Variants in ELAC2 observed in about 807,000 individuals in gnomAD.
ELAC2 encodes elaC ribonuclease Z 2.
Under a neutral mutation model 105.2 loss-of-function variants are expected in ELAC2, and 92 were observed. The ratio of observed to expected loss-of-function variants is 0.87; its 90% CI spans 0.74 to 1.04. The LOEUF is 1.04. ELAC2 is among the 50% of genes least tolerant of loss of function. The pLI is 0.00. For missense variants in ELAC2, 1,099 were observed against 1,071.7 expected (o/e 1.03, Z -0.36); for synonymous variants, 468 against 409.1 (o/e 1.14, Z -1.74).
chr17:12,998,425 G>A lies in ELAC2; in HGVS notation c.1507C>T (p.Leu503Phe), dbSNP rs772606905. Residue 503 changes from leucine to phenylalanine, a missense_variant, in exon 16 of 24, where the codon CTT (leucine) becomes TTT (phenylalanine). Coordinates refer to ENST00000338034, the MANE Select transcript of ELAC2 (RefSeq NM_018127.7). ...AAAGCAGCATACCTTATGTTGACAAGTGTGGCACTGACATTTCGAATCTTC... is the reference window on the plus strand; with the variant it reads ...AAAGCAGCATACCTTATGTTGACAAATGTGGCACTGACATTTCGAATCTTC... ...PMKIRNVSAT[L>F]VNISPDTSLL... 1.2e-5 allele frequency: 20 copies of A among 1,614,038 alleles called. No individual in the cohort carries two copies. Among genetic ancestry groups the A allele is most frequent in the East Asian group, 2.2e-5 (1 of 44,898 alleles).
intron 2 of ELAC2, 23 bp downstream of exon 2, chr17:13,017,048 C>T (rs2041774151): frequency 6.2e-7 from 1 of 1,614,028 alleles, no homozygotes; most frequent in South Asian, 1.1e-5. Context: ...AACTCCCCCT[C>T]CGAAAGCAAG....
chr17:13,005,658 A>T, intron 10 of ELAC2, 95 bp downstream of exon 10: 1 of 1,285,462 alleles, frequency 7.8e-7, no homozygotes, highest in Admixed American at 1.7e-5. Context: ...CACGTCCTTC[A>T]AAAGTGGTGT....
At position 13,017,989 on chromosome 17, in the gene ELAC2, A is replaced by G. The variant is rs760866924; in HGVS notation, c.-42T>C. On this transcript the variant is annotated 5_prime_UTR_variant, in exon 1 of 24. Transcript: ENST00000338034. ...AAACTGAGAAAGCCGCCGGTCACCT[A>G]CGCCCGCGTTTCCCGTGCACCACCT... 2.0e-6 allele frequency: 3 copies of G among 1,533,854 alleles called. No homozygotes were observed. The highest frequency in any genetic ancestry group is 2.6e-6 in the Non-Finnish European group (3 of 1,146,568).
chr17:12,996,549 T>A lies in ELAC2; in HGVS notation c.1657A>T (p.Thr553Ser), dbSNP rs529239903. 6.2e-7 allele frequency: 1 copy of A among 1,613,886 alleles called. No homozygotes were observed. The highest frequency in any genetic ancestry group is 1.1e-5 in the South Asian group (1 of 91,082). The change falls in exon 17 of 24, where the codon ACG (threonine) becomes TCG (serine). Residue 553 changes from threonine to serine, a missense_variant and splice_region_variant. By Grantham distance (58) the Thr-to-Ser change is moderately conservative (BLOSUM62 1). Coordinates refer to ENST00000338034, the MANE Select transcript of ELAC2 (RefSeq NM_018127.7). ...FVSHLHADHH[T>S]GLPSILLQRE... ...TTGTGGTCCAGCCCAACACTCACCG[T>A]GTGGTGATCTGCGTGCAGGTGGGAC...
intron 8 of ELAC2, 48 bp from the exon 9 acceptor site, chr17:13,006,027 G>A (rs751410465): frequency 1.8e-5 from 29 of 1,572,318 alleles, no homozygotes; most frequent in Admixed American, 1.3e-4. Context: ...AATGAAGAAG[G>A]TTGGTTTTAA....
chr17:13,010,913 T>A (rs2041377305), intron 7 of ELAC2, among the ~76,000 whole-genome samples: 1 of 152,038 alleles, frequency 6.6e-6, no homozygotes, highest in African/African-American at 2.4e-5. Flanking sequence ...GAATGGCAAG[T>A]GAAATTTTTT....
chr17:13,017,432 G>A, intron 1 of ELAC2: 2 of 661,766 alleles, frequency 3.0e-6, no homozygotes, highest in South Asian at 3.9e-5. Flanking sequence ...CACGGAAGAG[G>A]GTGGAGCTCC....
intron 3 of ELAC2, among the ~76,000 whole-genome samples, chr17:13,016,375 C>T (rs72815150): frequency 0.093 from 14,098 of 152,200 alleles, 834 homozygotes; most frequent in East Asian, 0.3. Context: ...TCTCTGTCCC[C>T]GCAACGCAAG....
intron 1 of ELAC2, 166 bp from the exon 2 acceptor site, chr17:13,017,287 T>C: frequency 1.3e-6 from 1 of 757,148 alleles, no homozygotes; most frequent in Non-Finnish European, 2.2e-6. Flanking sequence ...TTTTGAGCCC[T>C]CCTTAGCAGA....
At chr17:13,006,146 A>G (rs2041095523) in intron 8 of ELAC2, 167 bp from the exon 9 acceptor site, 9 of 696,194 alleles carry the variant, frequency 1.3e-5, no homozygotes, top group Non-Finnish European at 1.8e-5. Flanking sequence ...TGAGGCGGGC[A>G]GATCACCTGA....
chr17:12,999,822 C>A (rs1298872919), intron 15 of ELAC2, among the ~76,000 whole-genome samples: 27 of 152,296 alleles, frequency 1.8e-4, no homozygotes, highest in Admixed American at 1.8e-3. Context: ...CCACGCCCAG[C>A]TAATTTTTGT....
chr17:13,007,770 C>T (rs532960555), intron 8 of ELAC2, among the ~76,000 whole-genome samples: 2 of 152,080 alleles, frequency 1.3e-5, no homozygotes, highest in South Asian at 4.2e-4. Context: ...CCCAGCTACT[C>T]GGGAAGCTGA....
intron 4 of ELAC2, among the ~76,000 whole-genome samples, chr17:13,015,506 C>T (rs1431113144): frequency 1.3e-5 from 2 of 152,192 alleles, no homozygotes; most frequent in Non-Finnish European, 2.9e-5. Flanking sequence ...ATATGTGCTG[C>T]TACGTCATTT....
chr17:13,008,091 C>T (rs2041209236), intron 8 of ELAC2, among the ~76,000 whole-genome samples: 1 of 151,742 alleles, frequency 6.6e-6, no homozygotes, highest in Non-Finnish European at 1.5e-5. Flanking sequence ...ATCCCAGCTA[C>T]ACGGGAGGCT....
chr17:12,996,484 G>A (rs2040474098), intron 17 of ELAC2, 63 bp downstream of exon 17: 1 of 1,610,164 alleles, frequency 6.2e-7, no homozygotes. Context: ...GCAGCCAAAG[G>A]GCCAACTCAA....
At chr17:12,993,188 GA>G in intron 23 of ELAC2, 143 bp from the exon 24 acceptor site, 2 of 931,204 alleles carry the variant, frequency 2.1e-6, no homozygotes, top group Non-Finnish European at 3.3e-6. Flanking sequence ...AGCTGAAATG[GA>G]AAAAAGAATG....
Position 13,013,280 on chromosome 17 carries a change from A to C in ELAC2, c.491-5T>G. 1 of 1,613,776 alleles carries C rather than the reference A, an allele frequency of 6.2e-7. No homozygotes were observed. Among genetic ancestry groups the C allele is most frequent in the Non-Finnish European group, 8.5e-7 (1 of 1,179,858 alleles). ...GGGCAGAGTGGGGCCGCACAGCTAC[A>C]AGAAAACCACACAACAGCAAAGTGA... On this transcript the variant is annotated splice_region_variant and splice_polypyrimidine_tract_variant and intron_variant, in intron 5 of 23. Coordinates refer to ENST00000338034, the MANE Select transcript of ELAC2 (RefSeq NM_018127.7).
At chr17:12,993,598 G>T in intron 23 of ELAC2, 89 bp downstream of exon 23, 1 of 1,591,486 alleles carries the variant, frequency 6.3e-7, no homozygotes, top group Non-Finnish European at 8.6e-7. Flanking sequence ...AAATAAGAAA[G>T]CAAACTCCAG....
At chr17:12,995,092 A>T in intron 19 of ELAC2, 30 bp from the exon 20 acceptor site, 2 of 1,609,090 alleles carry the variant, frequency 1.2e-6, no homozygotes, top group Non-Finnish European at 1.7e-6. Context: ...TTAAAATGAT[A>T]ATAAACGTTT....
Sources: allele counts gnomAD v4.1 joint callset (sites outside exome capture counted in the v4.1 genomes callset), GRCh38; gene constraint gnomAD v4.1.1; transcripts MANE v1.5; gene names NCBI Gene and HGNC (gene_info 2026-07-23, HGNC 2026-07-21).